CD4: variants seen among roughly 807,000 people sequenced by gnomAD.
CD4 encodes T-cell surface glycoprotein CD4.
Under a neutral mutation model 50.5 loss-of-function variants are expected in CD4, and 25 were observed. That is an observed-to-expected ratio of 0.49 (90% CI 0.36 to 0.69). The LOEUF is 0.69. Ranked by LOEUF, CD4 falls within the 30% of genes least tolerant of loss-of-function variation. The pLI, the probability that CD4 is intolerant of heterozygous loss-of-function variation, is 0.00. For synonymous variants in CD4, 207 were observed against 221.9 expected (o/e 0.93, Z 0.60); for missense variants, 456 against 548.5 (o/e 0.83, Z 1.68).
In CD4 at chr12:6,793,699, TCTA is replaced by T. The variant is rs1565488242; in HGVS notation, c.-68+4038_-68+4040del. 4.1e-3 allele frequency among the ~76,000 whole-genome samples: 225 copies of T among 54,802 alleles called. 3 individuals are homozygous for T. The highest frequency in any genetic ancestry group is 0.015 in the African/African-American group (198 of 13,320). The allele number at this position is 54,802 out of a possible 152,430, so 36.0% of individuals were successfully genotyped here. On this transcript the variant is annotated intron_variant, in intron 1 of 9. Transcript: ENST00000011653. ...ATCTATCTATCTATCTATCTATCTA[TCTA>T]TCTTTTTTTTTTTTGAGACAAAATC...
rs1943152213 is a variant in CD4, at chr12:6,818,141, A to G, written c.1157-280A>G. Among the ~76,000 whole-genome samples the G allele has an allele frequency of 6.6e-6, 1 of 151,704 alleles. No individual in the cohort carries two copies. On this transcript the variant is annotated intron_variant, in intron 7 of 9. Coordinates refer to ENST00000011653, the MANE Select transcript of CD4 (RefSeq NM_000616.5). This position sits in a 1 kb window ranked among gnomAD's most constrained non-coding sequence, Gnocchi z 5.0. ...TCACACCATTCACACACGCACACAC[A>G]TGCACACACTCACACATGCACACAC...
chr12:6,818,909 T>C lies in CD4; in HGVS notation c.1341T>C (p.Cys447=), dbSNP rs12821756. 936,431 of 1,590,994 alleles carry C rather than the reference T, an allele frequency of 0.59. 282,469 individuals carry two copies. The highest frequency in any genetic ancestry group is 0.91 in the East Asian group (40,391 of 44,512). ...RLLSEKKTCQ[C]PHRFQKTCSP... is the part of the protein sequence containing the mutation. ...TCAGTGAGAAGAAGACCTGCCAGTG[T>C]CCTCAGTAAGGATCTGGGAGGAGGG... Residue 447 remains cysteine (C), a synonymous_variant, in exon 9 of 10, where the codon TGT becomes TGC. Transcript: ENST00000011653. The surrounding 1 kb of genome is among the most constrained non-coding windows in gnomAD (Gnocchi z 5.0).
Position 6,814,120 on chromosome 12 carries a change from C to A in CD4, c.215-22C>A, listed in dbSNP as rs10849523. ...TGTCTCCAGGGCGCCTCAGTCCCCC[C>A]CCATATGTCTTCTGCTCCCAGGTCC... On this transcript the variant is annotated intron_variant, in intron 3 of 9. Transcript: ENST00000011653. The A allele has an allele frequency of 3.2e-5, 51 of 1,610,798 alleles. No homozygotes were observed. In the East Asian group the frequency reaches 4.9e-4, roughly 15 times the overall value.
At chr12:6,812,371 A>AAAAC (rs1367593300) in intron 3 of CD4, among the ~76,000 whole-genome samples, 1 of 152,106 alleles carries the variant, frequency 6.6e-6, no homozygotes, top group Non-Finnish European at 1.5e-5. Context: ...CGACTCCATA[A>AAAAC]AAACAAACAA....
intron 3 of CD4, among the ~76,000 whole-genome samples, chr12:6,810,830 A>G (rs1348604289): frequency 6.6e-6 from 1 of 150,980 alleles, no homozygotes; most frequent in Non-Finnish European, 1.5e-5. Flanking sequence ...GTAGGGCAGG[A>G]ACCACTGAAG....
rs1180024932 is a variant in CD4 at position 6,817,213 on chromosome 12, A to G, written c.1039A>G (p.Lys347Glu). Reference protein sequence around the residue: ...KLMLSLKLENKEAKVSKREKA... With the variant: ...KLMLSLKLENEEAKVSKREKA... ...GATGCTGAGTTTGAAACTGGAGAACAAGGAGGCAAAGGTCTCGAAGCGGGA... is the reference window on the plus strand; with the variant it reads ...GATGCTGAGTTTGAAACTGGAGAACGAGGAGGCAAAGGTCTCGAAGCGGGA... The change falls in exon 7 of 10, where the codon AAG (lysine) becomes GAG (glutamate). Residue 347 changes from lysine to glutamate, a missense_variant. Lys to Glu is a moderately conservative substitution (Grantham distance 56). Transcript: ENST00000011653. 6.2e-7 allele frequency: 1 copy of G among 1,613,868 alleles called. No individual in the cohort carries two copies. Among genetic ancestry groups the G allele is most frequent in the Non-Finnish European group, 8.5e-7 (1 of 1,179,904 alleles).
At chr12:6,803,306 A>G (rs1555115662) in intron 3 of CD4, among the ~76,000 whole-genome samples, 3 of 151,860 alleles carry the variant, frequency 2.0e-5, no homozygotes, top group Non-Finnish European at 4.4e-5. Flanking sequence ...GTGCACCACC[A>G]TGTCTGGCTA....
chr12:6,801,399 T>C (rs61916277), intron 3 of CD4, among the ~76,000 whole-genome samples: 96,823 of 146,946 alleles, frequency 0.66, 31,977 homozygotes, highest in East Asian at 0.75. Context: ...GTCCTGTACT[T>C]CCAGCTACTC....
Position 6,814,203 on chromosome 12 carries a change from TC to T in CD4, c.280del (p.Leu94Ter), listed in dbSNP as rs1555117467. 1 of 1,614,124 alleles carries T rather than the reference TC, an allele frequency of 6.2e-7. No individual in the cohort carries two copies. The highest frequency in any genetic ancestry group is 1.7e-5 in the Admixed American group (1 of 60,016). The part of the protein sequence containing the change: ...RRSLWDQGNF[P>X]LIIKNLKIED... ...GAAGCCTTTGGGACCAAGGAAACTT[TC>T]CCCTGATCATCAAGAATCTTAAGAT... On this transcript the variant is annotated frameshift_variant, in exon 4 of 10. Coordinates refer to ENST00000011653, the MANE Select transcript of CD4 (RefSeq NM_000616.5). LOFTEE classifies it high-confidence loss of function.
Position 6,816,069 on chromosome 12 carries a change from C to T in CD4, c.621C>T (p.Ala207=), listed in dbSNP as rs782355466. ...IDIVVLAFQK[A]SSIVYKKEGE... ...TCCCACCTCCAGCTTTCCAGAAGGC[C>T]TCCAGCATAGTCTATAAGAAAGAGG... Residue 207 remains alanine, a synonymous_variant, in exon 6 of 10, where the codon GCC becomes GCT. Coordinates refer to ENST00000011653, the MANE Select transcript of CD4 (RefSeq NM_000616.5). The surrounding 1 kb of genome is among the most constrained non-coding windows in gnomAD (Gnocchi z 4.9). The T allele has an allele frequency of 1.2e-6, 2 of 1,613,996 alleles. No individual in the cohort carries two copies. Among genetic ancestry groups the T allele is most frequent in the Non-Finnish European group, 1.7e-6 (2 of 1,180,036 alleles).
At chr12:6,796,777 T>C (rs1942388196) in intron 1 of CD4, among the ~76,000 whole-genome samples, 1 of 152,126 alleles carries the variant, frequency 6.6e-6, no homozygotes, top group Admixed American at 6.6e-5. Context: ...AGCCCAGGAG[T>C]TCCAGGCTGC....
Position 6,800,388 on chromosome 12 carries a change from C to G in CD4, c.131C>G (p.Ser44Cys). ...GDTVELTCTA[S>C]QKKSIQFHWK... The stretch of plus-strand genomic sequence containing the variant: ...ACAGTGGAACTGACCTGTACAGCTT[C>G]CCAGAAGAAGAGCATACAATTCCAC... The change falls in exon 3 of 10, where the codon TCC (serine) becomes TGC (cysteine). Residue 44 changes from serine to cysteine, a missense_variant. Ser to Cys is a moderately radical substitution (Grantham distance 112). Transcript: ENST00000011653. 1 of 1,613,980 alleles carries G rather than the reference C, an allele frequency of 6.2e-7. No individual in the cohort carries two copies. The highest frequency in any genetic ancestry group is 8.5e-7 in the Non-Finnish European group (1 of 1,179,878).
In CD4 at chr12:6,809,153, A is replaced by C. The variant is rs1555116673; in HGVS notation, c.215-4989A>C. On this transcript the variant is annotated intron_variant, in intron 3 of 9. Coordinates refer to ENST00000011653, the MANE Select transcript of CD4 (RefSeq NM_000616.5). ...AGAGTCATGTTTTTTTCTCTGCTTCAATCCCTGGTTTCCTATCGTCATCAA... is the reference window on the plus strand; with the variant it reads ...AGAGTCATGTTTTTTTCTCTGCTTCCATCCCTGGTTTCCTATCGTCATCAA... Among the ~76,000 whole-genome samples the C allele has an allele frequency of 3.3e-5, 5 of 152,016 alleles. No homozygotes were observed. In the South Asian group the frequency reaches 1.0e-3, roughly 32 times the overall value.
At chr12:6,793,815 A>C (rs1180283066) in intron 1 of CD4, among the ~76,000 whole-genome samples, 1 of 150,050 alleles carries the variant, frequency 6.7e-6, no homozygotes, top group East Asian at 2.0e-4. Flanking sequence ...ATCCCCAGCT[A>C]ATTTTTTTGT....
chr12:6,814,778 C>A lies in CD4; in HGVS notation c.393C>A (p.Thr131=). 1 of 1,613,710 alleles carries A rather than the reference C, an allele frequency of 6.2e-7. No individual in the cohort carries two copies. The highest frequency in any genetic ancestry group is 8.5e-7 in the Non-Finnish European group (1 of 1,179,802). ...LVFGLTANSD[T]HLLQGQSLTL... ...CCACAGTGACTGCCAACTCTGACAC[C>A]CACCTGCTTCAGGGGCAGAGCCTGA... Residue 131 remains threonine (T), a synonymous_variant, in exon 5 of 10, where the codon ACC becomes ACA. Coordinates refer to ENST00000011653, the MANE Select transcript of CD4 (RefSeq NM_000616.5).
chr12:6,800,099 C>G lies in CD4; in HGVS notation c.-40C>G. On this transcript the variant is annotated 5_prime_UTR_variant, in exon 2 of 10. Transcript: ENST00000011653. ...CCTGCCATTTCTGTGGGCTCAGGTC[C>G]CTACTGGCTCAGGCCCCTGCCTCCC... The G allele has an allele frequency of 6.3e-7, 1 of 1,599,724 alleles. No individual in the cohort carries two copies. Among genetic ancestry groups the G allele is most frequent in the Non-Finnish European group, 8.6e-7 (1 of 1,167,402 alleles).
intron 3 of CD4, among the ~76,000 whole-genome samples, chr12:6,801,146 T>C (rs1463158371): frequency 2.7e-5 from 4 of 150,786 alleles, no homozygotes; most frequent in African/African-American, 9.7e-5. Context: ...GCTCAAGTGA[T>C]CCACTCACCT....
Position 6,819,519 on chromosome 12 carries a change from A to T in CD4, c.*190A>T. 8 of 617,484 alleles carry T rather than the reference A, an allele frequency of 1.3e-5. No homozygotes were observed. The South Asian group carries it at 1.5e-4, about 12-fold the overall frequency. The allele number at this position is 617,484 out of a possible 1,614,324, so 38.3% of individuals were successfully genotyped here. A position where few individuals can be genotyped will look rare whatever the true frequency, so the allele number is the denominator to read the frequency against. ...TTGAGTGTTGCTCTCTAGTTTCCAG[A>T]GGCTTAATCACACCGTCCTCCACGC... On this transcript the variant is annotated 3_prime_UTR_variant, in exon 10 of 10. Coordinates refer to ENST00000011653, the MANE Select transcript of CD4 (RefSeq NM_000616.5).
At chr12:6,800,042 T>C in intron 1 of CD4, 30 bp from the exon 2 acceptor site, 1 of 1,089,524 alleles carries the variant, frequency 9.2e-7, no homozygotes, top group Non-Finnish European at 1.4e-6. Flanking sequence ...CAGTAAATGT[T>C]TGCTGACTAA....
Sources: allele counts gnomAD v4.1 joint callset (sites outside exome capture counted in the v4.1 genomes callset), GRCh38; gene constraint gnomAD v4.1.1; non-coding constraint Gnocchi (gnomAD v3.1); transcripts MANE v1.5; gene names NCBI Gene and HGNC (gene_info 2026-07-23, HGNC 2026-07-21).